TENM4: variants seen among roughly 807,000 people sequenced by gnomAD.
The protein encoded by TENM4 is teneurin transmembrane protein 4.
Under a neutral mutation model 243.3 loss-of-function variants are expected in TENM4, and 82 were observed. The ratio of observed to expected loss-of-function variants is 0.34; its 90% confidence interval spans 0.28 to 0.40. TENM4 has a LOEUF of 0.40. TENM4 is among the 10% of genes least tolerant of loss of function. The pLI is 1.00. For synonymous variants in TENM4, 1,412 were observed against 1,456.3 expected (o/e 0.97, Z 0.69); for missense variants, 3,138 against 3,673.3 (o/e 0.85, Z 3.77).
intron 2 of TENM4, among the ~76,000 whole-genome samples, chr11:79,278,113 T>A (rs1390894357): frequency 6.6e-6 from 1 of 152,180 alleles, no homozygotes; most frequent in East Asian, 1.9e-4. Flanking sequence ...AGCGTATAGA[T>A]CTGGAGTGAC....
intron 4 of TENM4, among the ~76,000 whole-genome samples, chr11:79,126,495 G>T (rs181032139): frequency 6.6e-6 from 1 of 152,298 alleles, no homozygotes; most frequent in Admixed American, 6.5e-5. Flanking sequence ...GGTGGGCATT[G>T]CTACCTTAAT....
intron 4 of TENM4, chr11:79,096,922 G>GCC (rs1565202251): frequency 8.3e-6 from 1 of 120,064 alleles, no homozygotes; most frequent in Admixed American, 7.8e-5. Flanking sequence ...ACATGCGCGC[G>GCC]CGCGCGCACA....
intron 4 of TENM4, chr11:79,097,408 G>C (rs564467417): frequency 6.6e-6 from 1 of 152,108 alleles, no homozygotes; most frequent in Non-Finnish European, 1.5e-5. Flanking sequence ...AACATGGATC[G>C]CCTGCTAATT....
Position 79,040,689 on chromosome 11 carries a change from C to T in TENM4, c.493+24049G>A, listed in dbSNP as rs116755387. 5.5e-3 allele frequency among the ~76,000 whole-genome samples: 833 copies of T among 152,270 alleles called. 8 individuals are homozygous for T. The highest frequency in any genetic ancestry group is 0.019 in the African/African-American group (787 of 41,552). ...GCAAAGAGGGAGGATGATGCTGCTG[C>T]CCCACTTGCCAAGCTCAAGGCAAGT... On this transcript the variant is annotated intron_variant, in intron 6 of 33. Coordinates refer to ENST00000278550, the MANE Select transcript of TENM4 (RefSeq NM_001098816.3).
chr11:79,321,098 G>T (rs1016222180), intron 1 of TENM4, among the ~76,000 whole-genome samples: 1 of 152,172 alleles, frequency 6.6e-6, no homozygotes, highest in African/African-American at 2.4e-5. Context: ...TGTACCACTT[G>T]CTGGCTGTAC....
intron 9 of TENM4, among the ~76,000 whole-genome samples, chr11:78,889,405 C>A (rs1037407974): frequency 1.3e-5 from 2 of 152,254 alleles, no homozygotes; most frequent in African/African-American, 4.8e-5. Context: ...GGAGAGGCTA[C>A]CTGCTGTTCA....
chr11:78,969,379 G>T (rs925589335), intron 6 of TENM4, among the ~76,000 whole-genome samples: 3 of 152,172 alleles, frequency 2.0e-5, no homozygotes, highest in African/African-American at 7.2e-5. Context: ...AATCGGTGAT[G>T]GTAACTTTCT....
intron 6 of TENM4, among the ~76,000 whole-genome samples, chr11:79,060,085 T>C (rs1275604496): frequency 1.3e-5 from 2 of 152,242 alleles, no homozygotes; most frequent in African/African-American, 4.8e-5. Context: ...AAAGACACTG[T>C]GTCAGCTTGA....
intron 29 of TENM4, among the ~76,000 whole-genome samples, chr11:78,677,151 A>C (rs868596642): frequency 3.9e-5 from 6 of 152,232 alleles, no homozygotes; most frequent in Non-Finnish European, 8.8e-5. Flanking sequence ...TATACCTCAA[A>C]AATACTTTTT....
chr11:79,123,839 A>T (rs1434079463), intron 4 of TENM4, among the ~76,000 whole-genome samples: 1 of 152,208 alleles, frequency 6.6e-6, no homozygotes, highest in Non-Finnish European at 1.5e-5. Flanking sequence ...TTTGGGAAAC[A>T]TGAGGCTAGC....
At chr11:79,038,964 C>A (rs1565177792) in intron 6 of TENM4, among the ~76,000 whole-genome samples, 2 of 152,200 alleles carry the variant, frequency 1.3e-5, no homozygotes, top group Non-Finnish European at 1.5e-5. Context: ...ACCAGGATTA[C>A]ATCTAGAGTG....
chr11:78,758,892 C>T (rs1467275668), intron 18 of TENM4, among the ~76,000 whole-genome samples: 1 of 152,110 alleles, frequency 6.6e-6, no homozygotes, highest in Non-Finnish European at 1.5e-5. Context: ...ACTCTCTGGC[C>T]TCAGTTCCCC....
At chr11:79,355,990 T>C (rs1857490859) in intron 1 of TENM4, among the ~76,000 whole-genome samples, 1 of 152,174 alleles carries the variant, frequency 6.6e-6, no homozygotes, top group Admixed American at 6.5e-5. Context: ...CAGAACTTCT[T>C]TCATATTACT....
intron 4 of TENM4, among the ~76,000 whole-genome samples, chr11:79,087,431 G>A (rs1012324663): frequency 2.6e-5 from 4 of 152,202 alleles, no homozygotes; most frequent in African/African-American, 9.6e-5. Context: ...CAAGCTCCCC[G>A]CTGGAGCAGA....
chr11:78,710,428 C>T (rs1044224587), intron 26 of TENM4, among the ~76,000 whole-genome samples: 3 of 152,258 alleles, frequency 2.0e-5, no homozygotes, highest in Non-Finnish European at 4.4e-5. Context: ...ACTGTTCCTT[C>T]TTAGGCTGGT....
intron 26 of TENM4, among the ~76,000 whole-genome samples, chr11:78,711,665 C>A (rs78371004): frequency 3.5e-4 from 54 of 152,270 alleles, no homozygotes; most frequent in African/African-American, 1.3e-3. Flanking sequence ...GGGGCTGAGA[C>A]ACTGTAAATC....
chr11:78,751,943 G>A (rs1394991018), intron 19 of TENM4, among the ~76,000 whole-genome samples: 1 of 152,214 alleles, frequency 6.6e-6, no homozygotes, highest in African/African-American at 2.4e-5. Context: ...CTCCATGGGA[G>A]GGACAAGTAT....
At chr11:79,062,429 A>G (rs1476092860) in intron 6 of TENM4, among the ~76,000 whole-genome samples, 1 of 152,178 alleles carries the variant, frequency 6.6e-6, no homozygotes, top group Admixed American at 6.5e-5. Flanking sequence ...TGGTCCCACC[A>G]GATGCTCTGA....
chr11:78,912,999 T>C (rs768690213), intron 6 of TENM4, among the ~76,000 whole-genome samples: 2 of 152,214 alleles, frequency 1.3e-5, no homozygotes. Flanking sequence ...GTTTCCCCAA[T>C]TGACAAACAG....
Sources: gnomAD v4.1 joint callset for allele counts (sites outside exome capture counted in the v4.1 genomes callset) on GRCh38, gnomAD v4.1.1 for gene constraint, MANE v1.5 for transcripts, NCBI Gene and HGNC (gene_info 2026-07-23, HGNC 2026-07-21) for gene names.